The following HACE1 variants were observed in gnomAD, a reference collection of about 807,000 sequenced individuals.
HACE1 encodes the protein HECT domain and ankyrin repeat containing E3 ubiquitin protein ligase 1.
In HACE1, 73 loss-of-function variants were observed where a neutral mutation model predicts 118.4. The observed-to-expected ratio is 0.62, with a 90% CI of 0.51 to 0.75. The LOEUF (loss-of-function observed/expected upper bound fraction) is 0.75, where lower values mean the gene tolerates loss of function less well. Among genes scored for constraint, HACE1 ranks in the 30% least tolerant of loss-of-function variants. The pLI, the probability that HACE1 is intolerant of heterozygous loss-of-function variation, is 0.00. For synonymous variants in HACE1, 368 were observed against 374.8 expected, an observed-to-expected ratio of 0.98 and a Z score of 0.21; for missense variants, 749 against 1,102.2, an observed-to-expected ratio of 0.68 and a Z score of 4.54.
At chr6:104,805,488 A>G (rs1313487654) in intron 7 of HACE1, among the ~76,000 whole-genome samples, 4 of 152,200 alleles carry the variant, frequency 2.6e-5, no homozygotes, top group Admixed American at 2.0e-4. Flanking sequence ...GATTAAGAAA[A>G]TGTGGCACAG....
chr6:104,774,181 C>T (rs1403454487), intron 17 of HACE1, among the ~76,000 whole-genome samples: 1 of 117,050 alleles, frequency 8.5e-6, no homozygotes, highest in African/African-American at 4.1e-5. Flanking sequence ...GCTCCGCCTC[C>T]CGGGTTCACG....
At chr6:104,851,049 T>C in intron 2 of HACE1, 53 bp from the exon 3 acceptor site, 2 of 1,012,548 alleles carry the variant, frequency 2.0e-6, no homozygotes, top group Non-Finnish European at 3.2e-6. Flanking sequence ...TTTAAAAACA[T>C]AATAAATCAA....
At chr6:104,846,677 C>A (rs1775700636) in intron 4 of HACE1, among the ~76,000 whole-genome samples, 1 of 152,202 alleles carries the variant, frequency 6.6e-6, no homozygotes, top group Non-Finnish European at 1.5e-5. Context: ...AAAACGCAGA[C>A]TGACCAACAA....
intron 10 of HACE1, among the ~76,000 whole-genome samples, chr6:104,793,364 T>C (rs2114851576): frequency 6.6e-6 from 1 of 152,318 alleles, no homozygotes; most frequent in Middle Eastern, 3.4e-3. Context: ...ATTCAGTGTC[T>C]TACTTAGCAT....
At position 104,796,942 on chromosome 6, in the gene HACE1, TC is replaced by T; in HGVS notation, c.700del (p.Asp234IlefsTer15). The T allele has an allele frequency of 6.4e-7, 1 of 1,564,746 alleles. No homozygotes were observed. The highest frequency in any genetic ancestry group is 8.8e-7 in the Non-Finnish European group (1 of 1,135,080). On this transcript the variant is annotated frameshift_variant, in exon 8 of 24. Coordinates refer to ENST00000262903, the MANE Select transcript of HACE1 (RefSeq NM_020771.4). LOFTEE classifies it high-confidence loss of function. Reference protein sequence around the residue: ...LPDKNGVTPLDLCVQGGYGET... With the variant: ...LPDKNGVTPLXLCVQGGYGET... Reference sequence around the variant, plus strand: ...TGAAAAACACACCTGTACACATAAATCCAGAGGAGTTACTCCATTTTTATCT... The same window carrying T: ...TGAAAAACACACCTGTACACATAAATCAGAGGAGTTACTCCATTTTTATCT...
intron 19 of HACE1, among the ~76,000 whole-genome samples, chr6:104,770,213 G>A (rs1780463171): frequency 6.6e-6 from 1 of 152,086 alleles, no homozygotes; most frequent in African/African-American, 2.4e-5. Flanking sequence ...CAAAAAGGGA[G>A]GGGGGCAGTT....
chr6:104,780,458 C>G (rs1002919122), intron 14 of HACE1: 1 of 357,970 alleles, frequency 2.8e-6, no homozygotes, highest in Non-Finnish European at 5.4e-6. Context: ...TACTGGCCAC[C>G]TGAAAACCAC....
In HACE1 at chr6:104,784,406, A is replaced by G. The variant is rs768893834; in HGVS notation, c.1478+11T>C. On this transcript the variant is annotated intron_variant, in intron 13 of 23. Coordinates refer to ENST00000262903, the MANE Select transcript of HACE1 (RefSeq NM_020771.4). ...GGCTAGCAGGGTACTCCACAAACCC[A>G]GAAAGCTTACCTATTAACAAAGCAT... is the stretch of plus-strand genomic sequence containing the variant. 4 of 1,588,712 alleles carry G rather than the reference A, an allele frequency of 2.5e-6. No individual in the cohort carries two copies. Among genetic ancestry groups the G allele is most frequent in the Middle Eastern group, 1.7e-4 (1 of 6,044 alleles).
At chr6:104,754,831 T>C (rs1405538693) in intron 19 of HACE1, among the ~76,000 whole-genome samples, 1 of 152,022 alleles carries the variant, frequency 6.6e-6, no homozygotes, top group Non-Finnish European at 1.5e-5. Context: ...ACTACAAAAA[T>C]ACACTGAAGT....
At chr6:104,785,600 T>C (rs893575249) in intron 11 of HACE1, 5 of 350,048 alleles carry the variant, frequency 1.4e-5, no homozygotes, top group Admixed American at 4.4e-5. Flanking sequence ...ATTCACAATC[T>C]TTCTTCTTTT....
In HACE1 at chr6:104,859,765, G is replaced by T; in HGVS notation, c.-123C>A. The T allele has an allele frequency of 2.2e-6, 2 of 897,208 alleles. No individual in the cohort carries two copies. The highest frequency in any genetic ancestry group is 3.3e-6 in the Non-Finnish European group (2 of 604,342). 55.6% of individuals were successfully genotyped at this position (897,208 alleles called of 1,614,324 possible). A position where few individuals can be genotyped will look rare whatever the true frequency, so the allele number is the denominator to read the frequency against. ...GAGACGCGGGCTTGCCCCGGCTAGA[G>T]CACTGAGCTGCGAGGGCTGCCTGGG... On this transcript the variant is annotated 5_prime_UTR_variant, in exon 1 of 24. Coordinates refer to ENST00000262903, the MANE Select transcript of HACE1 (RefSeq NM_020771.4).
rs1165462225 is a variant in HACE1, at chr6:104,747,122, CCAAT to C, written c.2344-2516_2344-2513del. Among the ~76,000 whole-genome samples, 23 of 151,910 alleles carry C rather than the reference CCAAT, an allele frequency of 1.5e-4. No individual in the cohort carries two copies. The East Asian group carries it at 3.3e-3, about 22-fold the overall frequency. ...CATATTAAGAAAAATATTTTAAGCC[CCAAT>C]CAATTTTTTTAATACAACAAAATAA... On this transcript the variant is annotated intron_variant, in intron 20 of 23. Coordinates refer to ENST00000262903, the MANE Select transcript of HACE1 (RefSeq NM_020771.4).
At chr6:104,743,473 C>A (rs1343200450) in intron 22 of HACE1, among the ~76,000 whole-genome samples, 1 of 151,730 alleles carries the variant, frequency 6.6e-6, no homozygotes, top group Non-Finnish European at 1.5e-5. Flanking sequence ...TATTTTCTAA[C>A]TTTCCTAGGA....
chr6:104,848,097 C>T (rs1036353701), intron 4 of HACE1, among the ~76,000 whole-genome samples: 1 of 151,540 alleles, frequency 6.6e-6, no homozygotes, highest in Non-Finnish European at 1.5e-5. Flanking sequence ...GATGATCCGC[C>T]CGCCTTGGCC....
intron 11 of HACE1, chr6:104,787,478 G>A (rs1782562370): frequency 6.6e-6 from 1 of 152,124 alleles, no homozygotes; most frequent in Non-Finnish European, 1.5e-5. Flanking sequence ...TGCTGTAGAA[G>A]ATGAAAAGAA....
intron 6 of HACE1, among the ~76,000 whole-genome samples, chr6:104,831,864 G>T (rs1773913252): frequency 6.6e-6 from 1 of 150,528 alleles, no homozygotes; most frequent in African/African-American, 2.5e-5. Context: ...CTGCACTCCA[G>T]CCTGGGGAAC....
At chr6:104,852,222 T>TGG in intron 2 of HACE1, 95 bp downstream of exon 2, 3 of 717,118 alleles carry the variant, frequency 4.2e-6, no homozygotes, top group Non-Finnish European at 7.7e-6. Context: ...TGTGTGTGTG[T>TGG]GTGTGTGCGC....
intron 19 of HACE1, among the ~76,000 whole-genome samples, chr6:104,757,144 G>GA (rs1468133563): frequency 6.6e-6 from 1 of 152,202 alleles, no homozygotes; most frequent in African/African-American, 2.4e-5. Context: ...GGACGTACCT[G>GA]AACAAAAGGC....
At chr6:104,736,758 A>G (rs918984789) in intron 22 of HACE1, among the ~76,000 whole-genome samples, 1 of 152,168 alleles carries the variant, frequency 6.6e-6, no homozygotes, top group Non-Finnish European at 1.5e-5. Flanking sequence ...ACTGCAAGAG[A>G]AGTACCTTGC....
Sources: gnomAD v4.1 joint callset for allele counts (sites outside exome capture counted in the v4.1 genomes callset) on GRCh38, gnomAD v4.1.1 for gene constraint, MANE v1.5 for transcripts, NCBI Gene and HGNC (gene_info 2026-07-23, HGNC 2026-07-21) for gene names.